The following BIRC6 variants were observed in gnomAD, a reference collection of about 807,000 sequenced individuals.
The protein encoded by BIRC6 is dual E2 ubiquitin-conjugating enzyme/E3 ubiquitin-protein ligase BIRC6.
Under a neutral mutation model 503.3 loss-of-function variants are expected in BIRC6, and 98 were observed. The ratio of observed to expected loss-of-function variants is 0.19; its 90% CI spans 0.17 to 0.23. The LOEUF (loss-of-function observed/expected upper bound fraction) is 0.23, where lower values mean the gene tolerates loss of function less well. Among genes scored for constraint, BIRC6 ranks in the 10% least tolerant of loss-of-function variants. BIRC6 has a pLI of 1.00. For synonymous variants in BIRC6, 2,240 were observed against 2,078.7 expected (o/e 1.08, Z -2.11); for missense variants, 5,360 against 5,806.0 (o/e 0.92, Z 2.50).
In BIRC6 at chr2:32,408,610, C is replaced by T. The variant is rs538648639; in HGVS notation, c.1477+2053C>T. ...TACATGTTTTTACAGTTACAATACT[C>T]GTATTTGGCCAATTTTCTTACCCTT... On this transcript the variant is annotated intron_variant, in intron 9 of 73. Transcript: ENST00000421745. Among the ~76,000 whole-genome samples the T allele has an allele frequency of 7.2e-5, 11 of 152,200 alleles. No homozygotes were observed. The South Asian group carries it at 1.7e-3, about 23-fold the overall frequency.
intron 68 of BIRC6, 53 bp downstream of exon 68, chr2:32,595,197 CAG>C: frequency 8.8e-7 from 1 of 1,131,852 alleles, no homozygotes; most frequent in Non-Finnish European, 1.3e-6. Flanking sequence ...TTTTTTTTAA[CAG>C]TGCTATTGAA....
intron 40 of BIRC6, 115 bp from the exon 41 acceptor site, chr2:32,487,532 A>G (rs747206814): frequency 2.1e-5 from 19 of 895,952 alleles, no homozygotes; most frequent in African/African-American, 1.7e-5. Flanking sequence ...GAACCATTCT[A>G]AAGAATGCAG....
chr2:32,430,847 G>A lies in BIRC6; in HGVS notation c.3023-18G>A. ...TTTTTCCACACCTATTTCAAATACTGCTCTCACTAATGTTAAGGAGTTGAT... is the reference window on the plus strand; with the variant it reads ...TTTTTCCACACCTATTTCAAATACTACTCTCACTAATGTTAAGGAGTTGAT... On this transcript the variant is annotated intron_variant, in intron 11 of 73. Transcript: ENST00000421745. 1.5e-6 allele frequency: 1 copy of A among 682,804 alleles called. No homozygotes were observed. The highest frequency in any genetic ancestry group is 2.5e-6 in the Non-Finnish European group (1 of 400,716). The allele number at this position is 682,804 out of a possible 1,614,324, so 42.3% of individuals were successfully genotyped here.
chr2:32,382,779 A>G (rs1367486216), intron 3 of BIRC6, among the ~76,000 whole-genome samples: 1 of 152,238 alleles, frequency 6.6e-6, no homozygotes, highest in African/African-American at 2.4e-5. Flanking sequence ...GCTGGAGTGC[A>G]GTGGTGCGAT....
chr2:32,570,474 G>A (rs997680415), intron 65 of BIRC6, among the ~76,000 whole-genome samples: 1 of 144,500 alleles, frequency 6.9e-6, no homozygotes, highest in South Asian at 2.2e-4. Context: ...GTGAGCTACA[G>A]TGCGTGGCCA....
intron 18 of BIRC6, 27 bp downstream of exon 18, chr2:32,442,253 C>G: frequency 6.2e-7 from 1 of 1,603,696 alleles, no homozygotes; most frequent in Non-Finnish European, 8.5e-7. Flanking sequence ...TTGCTTACCA[C>G]TGTTGATTGC....
chr2:32,404,917 C>T (rs954141929), intron 8 of BIRC6, among the ~76,000 whole-genome samples: 1 of 152,134 alleles, frequency 6.6e-6, no homozygotes. Context: ...CCTCCTTGTC[C>T]TCCCAAAGTG....
chr2:32,370,064 A>G (rs191896136), intron 1 of BIRC6, among the ~76,000 whole-genome samples: 241 of 144,572 alleles, frequency 1.7e-3, no homozygotes, highest in Middle Eastern at 0.014. Context: ...GTATGTATAC[A>G]CACACACACA....
chr2:32,408,090 C>G (rs868364927), intron 9 of BIRC6, among the ~76,000 whole-genome samples: 1 of 152,026 alleles, frequency 6.6e-6, no homozygotes, highest in Non-Finnish European at 1.5e-5. Flanking sequence ...GCCTCAGCCT[C>G]GTGAGTAGCT....
In BIRC6 at chr2:32,617,812, T is replaced by G. The variant is rs1469271946; in HGVS notation, c.14482T>G (p.Cys4828Gly). 6.2e-7 allele frequency: 1 copy of G among 1,614,038 alleles called. No homozygotes were observed. The highest frequency in any genetic ancestry group is 8.5e-7 in the Non-Finnish European group (1 of 1,179,894). ...TGACACTGACGATGCCCCAGAGGTG[T>G]GCAGAGCCACAACAGGTGCTGAGGA... ...DPDTDDAPEV[C>G]RATTGAEETL... The change falls in exon 74 of 74, where the codon TGC (cysteine) becomes GGC (glycine). Residue 4828 changes from cysteine to glycine, a missense_variant. Coordinates refer to ENST00000421745, the MANE Select transcript of BIRC6 (RefSeq NM_016252.4).
intron 21 of BIRC6, among the ~76,000 whole-genome samples, chr2:32,446,408 T>C (rs1193175478): frequency 6.6e-6 from 1 of 152,234 alleles, no homozygotes; most frequent in Non-Finnish European, 1.5e-5. Context: ...ATTTAAGTTC[T>C]TGCCTGATTG....
At chr2:32,461,004 T>G (rs1271480880) in intron 23 of BIRC6, among the ~76,000 whole-genome samples, 1 of 20,282 alleles carries the variant, frequency 4.9e-5, no homozygotes, top group Non-Finnish European at 1.1e-4. Flanking sequence ...TCTGCTCTCT[T>G]CTCTTCTCTT....
At chr2:32,405,573 G>A (rs574293392) in intron 8 of BIRC6, among the ~76,000 whole-genome samples, 4 of 152,122 alleles carry the variant, frequency 2.6e-5, no homozygotes, top group African/African-American at 7.2e-5. Context: ...TTGGGAGACC[G>A]AGGCGGGAGG....
At chr2:32,449,417 A>G (rs2046435182) in intron 22 of BIRC6, among the ~76,000 whole-genome samples, 2 of 152,162 alleles carry the variant, frequency 1.3e-5, no homozygotes, top group Non-Finnish European at 2.9e-5. Flanking sequence ...ATCCTTTTAT[A>G]CTTTCTAAAG....
chr2:32,518,532 C>A, intron 56 of BIRC6, 135 bp downstream of exon 56: 3 of 937,526 alleles, frequency 3.2e-6, no homozygotes, highest in South Asian at 1.8e-5. Flanking sequence ...TACCTAATGA[C>A]AGAACTTGAC....
intron 1 of BIRC6, among the ~76,000 whole-genome samples, chr2:32,367,395 G>C (rs2035104598): frequency 6.6e-6 from 1 of 151,976 alleles, no homozygotes; most frequent in Non-Finnish European, 1.5e-5. Context: ...CTGGGAGGCA[G>C]AGGTTTGCAC....
Position 32,575,371 on chromosome 2 carries a change from T to A in BIRC6, c.13355+5T>A. ...TACCTATACCAACCGTTTAAGGTAC[T>A]ATATACAATGTTCATTTCTCTTGAG... On this transcript the variant is annotated splice_donor_5th_base_variant and intron_variant, in intron 66 of 73. Transcript: ENST00000421745. 5 of 1,610,296 alleles carry A rather than the reference T, an allele frequency of 3.1e-6. No individual in the cohort carries two copies. The highest frequency in any genetic ancestry group is 4.2e-6 in the Non-Finnish European group (5 of 1,176,546).
At chr2:32,513,276 A>G (rs2054621565) in intron 54 of BIRC6, 122 bp downstream of exon 54, 4 of 675,068 alleles carry the variant, frequency 5.9e-6, no homozygotes, top group Admixed American at 3.0e-5. Context: ...AGTAGCAAAT[A>G]TAATCAAGTA....
intron 21 of BIRC6, among the ~76,000 whole-genome samples, chr2:32,447,485 C>T (rs2046162779): frequency 2.5e-5 from 3 of 121,554 alleles, no homozygotes; most frequent in African/African-American, 9.8e-5. Context: ...GGGGCTGATC[C>T]CCCCACCTCC....
Sources: allele counts gnomAD v4.1 joint callset (sites outside exome capture counted in the v4.1 genomes callset), GRCh38; gene constraint gnomAD v4.1.1; transcripts MANE v1.5; gene names NCBI Gene and HGNC (gene_info 2026-07-23, HGNC 2026-07-21).